PPFIA3: variants seen among roughly 807,000 people sequenced by gnomAD.
PPFIA3 encodes liprin-alpha-3.
Under a neutral mutation model 145.8 loss-of-function variants are expected in PPFIA3, and 26 were observed. The ratio of observed to expected loss-of-function variants is 0.18; its 90% confidence interval spans 0.13 to 0.25. The LOEUF (loss-of-function observed/expected upper bound fraction) is 0.25. Ranked by LOEUF, PPFIA3 falls within the 10% of genes least tolerant of loss-of-function variation. The probability of loss-of-function intolerance (pLI) is 1.00; values close to 1 mark genes in which losing one functional copy is unlikely to be tolerated. For missense variants in PPFIA3, 1,008 were observed against 1,587.8 expected (o/e 0.63, Z 6.21); for synonymous variants, 645 against 661.4 (o/e 0.98, Z 0.38).
rs969834622 is a variant in PPFIA3, at chr19:49,133,610, C to G, written c.1162-186C>G. 6.6e-6 allele frequency among the ~76,000 whole-genome samples: 1 copy of G among 151,920 alleles called. No homozygotes were observed. Among genetic ancestry groups the G allele is most frequent in the Admixed American group, 6.6e-5 (1 of 15,258 alleles). On this transcript the variant is annotated intron_variant, in intron 9 of 29. Coordinates refer to ENST00000334186, the MANE Select transcript of PPFIA3 (RefSeq NM_003660.4). The surrounding 1 kb of genome is among the most constrained non-coding windows in gnomAD (Gnocchi z 7.2). The stretch of plus-strand genomic sequence containing the variant: ...ACTGAAAGGACCGGTGGCCTGGAAC[C>G]TGAGAGGGAAGGAACAGGTCCTGAA...
rs1344108466 is a variant in PPFIA3 at position 49,130,343 on chromosome 19, C to A, written c.658-35C>A. 6.5e-7 allele frequency: 1 copy of A among 1,540,964 alleles called. No homozygotes were observed. The highest frequency in any genetic ancestry group is 1.4e-5 in the African/African-American group (1 of 73,712). Reference sequence around the variant, plus strand: ...GATTTCCTCTGTGTCTCCGGAGACACTCTGGGATCTTGTCCCCTCCTTCCC... The same window carrying A: ...GATTTCCTCTGTGTCTCCGGAGACAATCTGGGATCTTGTCCCCTCCTTCCC... On this transcript the variant is annotated intron_variant, in intron 6 of 29. Transcript: ENST00000334186. The surrounding 1 kb of genome is among the most constrained non-coding windows in gnomAD (Gnocchi z 4.5).
chr19:49,148,732 G>A lies in PPFIA3; in HGVS notation c.3078G>A (p.Arg1026=), dbSNP rs145375211. ...ACTATGACCGGAAGGACCTGGAGCG[G>A]AGGCGGGAAGAAAGTCAGACCCAGA... The part of the protein sequence containing the change: ...RLNYDRKDLE[R]RREESQTQIR... The change falls in exon 25 of 30, where the codon CGG becomes CGA. Residue 1026 remains arginine (R), a synonymous_variant. Transcript: ENST00000334186. 9.2e-5 allele frequency: 148 copies of A among 1,613,998 alleles called. No individual in the cohort carries two copies. Among genetic ancestry groups the A allele is most frequent in the Non-Finnish European group, 1.2e-4 (137 of 1,179,994 alleles).
chr19:49,133,512 G>A lies in PPFIA3; in HGVS notation c.1161+141G>A, dbSNP rs2041100626. 1.7e-6 allele frequency: 2 copies of A among 1,155,494 alleles called. No homozygotes were observed. The highest frequency in any genetic ancestry group is 5.7e-5 in the Admixed American group (2 of 35,338). 71.6% of individuals were successfully genotyped at this position (1,155,494 alleles called of 1,614,324 possible). ...GGGTGGGGCCTAGGGGCTGGGAAAG[G>A]GACAGGACTTGGAATGGGGAGGGCC... On this transcript the variant is annotated intron_variant, in intron 9 of 29. Transcript: ENST00000334186. The surrounding 1 kb of genome is among the most constrained non-coding windows in gnomAD (Gnocchi z 7.2).
Position 49,130,101 on chromosome 19 carries a change from A to T in PPFIA3, c.657+34A>T. On this transcript the variant is annotated intron_variant, in intron 6 of 29. Coordinates refer to ENST00000334186, the MANE Select transcript of PPFIA3 (RefSeq NM_003660.4). This position sits in a 1 kb window ranked among gnomAD's most constrained non-coding sequence, Gnocchi z 4.5. ...TGGAAGTCCCCTCTCCGTGAGCTCC[A>T]TTCAACTCCCTGACTTTGTGATAGT... is the stretch of plus-strand genomic sequence containing the variant. 1.3e-6 allele frequency: 2 copies of T among 1,585,448 alleles called. No individual in the cohort carries two copies. The highest frequency in any genetic ancestry group is 1.7e-6 in the Non-Finnish European group (2 of 1,162,300).
In PPFIA3 at chr19:49,120,692, C is replaced by A. The variant is rs2040927113; in HGVS notation, c.-16+970C>A. ...GCCATGACTCCTTTCCTTTGGGGGA[C>A]CCGGAATGTGATTCTCAATGCAGTT... is the stretch of plus-strand genomic sequence containing the variant. On this transcript the variant is annotated intron_variant, in intron 1 of 29. Transcript: ENST00000334186. The surrounding 1 kb of genome is among the most constrained non-coding windows in gnomAD (Gnocchi z 4.6). 6.6e-6 allele frequency among the ~76,000 whole-genome samples: 1 copy of A among 152,148 alleles called. No individual in the cohort carries two copies. The highest frequency in any genetic ancestry group is 1.5e-5 in the Non-Finnish European group (1 of 68,028).
rs924240317 is a variant in PPFIA3 at position 49,148,768 on chromosome 19, G to C, written c.3109+5G>C. 3.1e-6 allele frequency: 5 copies of C among 1,611,610 alleles called. No homozygotes were observed. In the Admixed American group the frequency reaches 5.0e-5, roughly 16 times the overall value. ...AAAGTCAGACCCAGATCCGAGGTGA[G>C]TAGAGCCTAAGGGTCCCTTTGGGAG... is the stretch of plus-strand genomic sequence containing the variant. On this transcript the variant is annotated splice_donor_5th_base_variant and intron_variant, in intron 25 of 29. Coordinates refer to ENST00000334186, the MANE Select transcript of PPFIA3 (RefSeq NM_003660.4).
chr19:49,141,463 G>A lies in PPFIA3; in HGVS notation c.2412G>A (p.Gly804=). The A allele has an allele frequency of 1.2e-6, 2 of 1,614,110 alleles. No individual in the cohort carries two copies. Among genetic ancestry groups the A allele is most frequent in the Non-Finnish European group, 1.7e-6 (2 of 1,180,002 alleles). The change falls in exon 19 of 30, where the codon GGG becomes GGA. Residue 804 remains glycine (G), a synonymous_variant. Coordinates refer to ENST00000334186, the MANE Select transcript of PPFIA3 (RefSeq NM_003660.4). Reference sequence around the variant, plus strand: ...AGACACTGGCCACTGACCCTCTGGGGCTAGCCAAGCTGACAGGCCCAGGAG... The same window carrying A: ...AGACACTGGCCACTGACCCTCTGGGACTAGCCAAGCTGACAGGCCCAGGAG... ...SDETLATDPL[G]LAKLTGPGDK...
In PPFIA3 at chr19:49,119,614, C is replaced by G. The variant is rs2040906424; in HGVS notation, c.-124C>G. ...GAGACAGGGCTCCAGGGCTCCGAAG[C>G]GACAGAGCCGGGCCCCGGCCGCTGC... On this transcript the variant is annotated 5_prime_UTR_variant, in exon 1 of 30. Transcript: ENST00000334186. 1 of 152,878 alleles carries G rather than the reference C, an allele frequency of 6.5e-6. No individual in the cohort carries two copies. The allele number at this position is 152,878 out of a possible 1,614,324, so 9.5% of individuals were successfully genotyped here.
At chr19:49,147,982 G>A (rs763037815) in intron 23 of PPFIA3, 101 bp from the exon 24 acceptor site, 3 of 1,259,358 alleles carry the variant, frequency 2.4e-6, no homozygotes, top group Admixed American at 2.3e-5. Context: ...ACCATGGGGT[G>A]GGAAAAAACC....
Position 49,133,816 on chromosome 19 carries a change from T to G in PPFIA3, c.1182T>G (p.Asn394Lys). 1 of 1,613,138 alleles carries G rather than the reference T, an allele frequency of 6.2e-7. No homozygotes were observed. The highest frequency in any genetic ancestry group is 8.5e-7 in the Non-Finnish European group (1 of 1,179,952). Residue 394 changes from asparagine to lysine, a missense_variant, in exon 10 of 30, where the codon AAT (asparagine) becomes AAG (lysine). Coordinates refer to ENST00000334186, the MANE Select transcript of PPFIA3 (RefSeq NM_003660.4). This position sits in a 1 kb window ranked among gnomAD's most constrained non-coding sequence, Gnocchi z 7.2. ...CCTAGGCCGAGGAACGTCATGGGAA[T>G]TTTGAGGAGCGGCTTCGGCAGCTGG... ...ALNKAEERHG[N>K]FEERLRQLEA...
In PPFIA3 at chr19:49,128,401, G is replaced by A; in HGVS notation, c.275G>A (p.Cys92Tyr). ...GCTCTGACGAAGGAGCTGAACTTATGTCGGGAGCAGCTGCTGGAGAGGGAG... is the reference window on the plus strand; with the variant it reads ...GCTCTGACGAAGGAGCTGAACTTATATCGGGAGCAGCTGCTGGAGAGGGAG... ...FAALTKELNL[C>Y]REQLLEREEE... is the part of the protein sequence containing the mutation. The change falls in exon 3 of 30, where the codon TGT (cysteine) becomes TAT (tyrosine). Residue 92 changes from cysteine (C) to tyrosine (Y), a missense_variant. Cys to Tyr is a radical substitution (Grantham distance 194). Transcript: ENST00000334186. This position sits in a 1 kb window ranked among gnomAD's most constrained non-coding sequence, Gnocchi z 4.1. 6.2e-7 allele frequency: 1 copy of A among 1,613,774 alleles called. No individual in the cohort carries two copies. The highest frequency in any genetic ancestry group is 8.5e-7 in the Non-Finnish European group (1 of 1,179,914).
intron 16 of PPFIA3, 142 bp from the exon 17 acceptor site, chr19:49,139,526 C>A (rs2122608730): frequency 2.7e-6 from 2 of 731,226 alleles, no homozygotes; most frequent in South Asian, 5.0e-5. Context: ...GCAACTCACC[C>A]TGACTTGAGC....
Position 49,149,433 on chromosome 19 carries a change from G to T in PPFIA3, c.3354+108G>T. ...ATGGTCACGGTTGGAGGCGGGGCCA[G>T]GAGAGGGGCGGGGTTAAAGGAGAGG... On this transcript the variant is annotated intron_variant, in intron 27 of 29. Transcript: ENST00000334186. The surrounding 1 kb of genome is among the most constrained non-coding windows in gnomAD (Gnocchi z 5.7). 6.3e-7 allele frequency: 1 copy of T among 1,584,094 alleles called. No individual in the cohort carries two copies. Among genetic ancestry groups the T allele is most frequent in the Non-Finnish European group, 8.7e-7 (1 of 1,154,976 alleles).
intron 23 of PPFIA3, 33 bp from the exon 24 acceptor site, chr19:49,148,050 C>T (rs958903428): frequency 5.7e-6 from 9 of 1,591,136 alleles, no homozygotes; most frequent in Non-Finnish European, 7.7e-6. Context: ...GGCCAGAGGG[C>T]CTGACTCTTC....
At chr19:49,140,664 T>TTTTTTTTTTTTTTG (rs1568439584) in intron 18 of PPFIA3, among the ~76,000 whole-genome samples, 1 of 137,716 alleles carries the variant, frequency 7.3e-6, no homozygotes, top group African/African-American at 2.9e-5. Flanking sequence ...TTTTTTTTTT[T>TTTTTTTTTTTTTTG]TTTGTTTGGA....
At chr19:49,141,613 T>C in intron 19 of PPFIA3, 100 bp downstream of exon 19, 2 of 929,942 alleles carry the variant, frequency 2.2e-6, no homozygotes, top group Admixed American at 2.4e-5. Flanking sequence ...TGTGTGTGTG[T>C]GTGAGAGGGT....
In PPFIA3 at chr19:49,130,457, G is replaced by T. The variant is rs776052100; in HGVS notation, c.737G>T (p.Arg246Leu). 3.7e-5 allele frequency: 60 copies of T among 1,608,836 alleles called. No individual in the cohort carries two copies. The South Asian group carries it at 6.3e-4, about 17-fold the overall frequency. Residue 246 changes from arginine to leucine, a missense_variant, in exon 7 of 30, where the codon CGC becomes CTC. Physicochemically the swap from Arg to Leu is moderately radical, Grantham distance 102. Around this residue, in one of 11 missense-constraint regions of PPFIA3, gnomAD observed 136 missense variants for 160.7 expected, o/e 0.85. Coordinates refer to ENST00000334186, the MANE Select transcript of PPFIA3 (RefSeq NM_003660.4). This position sits in a 1 kb window ranked among gnomAD's most constrained non-coding sequence, Gnocchi z 4.5. ...AELEEALERQRAEVCQLRERL... is the reference protein window; with the variant it reads ...AELEEALERQLAEVCQLRERL... The stretch of plus-strand genomic sequence containing the variant: ...CTGGAGGAGGCCCTGGAGCGGCAGC[G>T]CGCCGAGGTGTGCCAGCTGCGGGAG...
In PPFIA3 at chr19:49,149,419, T is replaced by C. The variant is rs2041317357; in HGVS notation, c.3354+94T>C. On this transcript the variant is annotated intron_variant, in intron 27 of 29. Transcript: ENST00000334186. The surrounding 1 kb of genome is among the most constrained non-coding windows in gnomAD (Gnocchi z 5.7). ...GGGCCTGACTATTAATGGTCACGGTTGGAGGCGGGGCCAGGAGAGGGGCGG... is the reference window on the plus strand; with the variant it reads ...GGGCCTGACTATTAATGGTCACGGTCGGAGGCGGGGCCAGGAGAGGGGCGG... 1 of 1,587,266 alleles carries C rather than the reference T, an allele frequency of 6.3e-7. No homozygotes were observed. Among genetic ancestry groups the C allele is most frequent in the South Asian group, 1.1e-5 (1 of 90,328 alleles).
chr19:49,137,084 A>C (rs2041147747), intron 15 of PPFIA3, 173 bp downstream of exon 15: 2 of 566,368 alleles, frequency 3.5e-6, no homozygotes, highest in Admixed American at 7.0e-5. Flanking sequence ...TACACTCAGA[A>C]GTCTTCTATG....
Sources: allele counts gnomAD v4.1 joint callset (sites outside exome capture counted in the v4.1 genomes callset), GRCh38; gene constraint gnomAD v4.1.1; regional missense constraint gnomAD v4.1.1; non-coding constraint Gnocchi (gnomAD v3.1); transcripts MANE v1.5; gene names NCBI Gene and HGNC (gene_info 2026-07-23, HGNC 2026-07-21).